Variants in ENTREP2 observed in about 807,000 individuals in gnomAD.
The protein encoded by ENTREP2 is endosomal transmembrane epsin interactor 2.
chr15:29,325,305 A>G, the ENTREP2 span, among the ~76,000 whole-genome samples: 7 of 152,244 alleles, frequency 4.6e-5, no homozygotes, highest in Middle Eastern at 3.4e-3. Flanking sequence ...AGCATAAAGC[A>G]AACAGAAGAA....
At chr15:29,563,616 G>C in the ENTREP2 span, among the ~76,000 whole-genome samples, 1 of 152,154 alleles carries the variant, frequency 6.6e-6, no homozygotes, top group Non-Finnish European at 1.5e-5. Context: ...TGGACCACCT[G>C]AGGTCAGCAG....
the ENTREP2 span, among the ~76,000 whole-genome samples, chr15:29,635,104 A>C: frequency 6.6e-6 from 1 of 152,062 alleles, no homozygotes; most frequent in African/African-American, 2.4e-5. Context: ...CGGCCTCCCA[A>C]AGTGCTGGTA....
the ENTREP2 span, among the ~76,000 whole-genome samples, chr15:29,282,209 C>T: frequency 6.6e-6 from 1 of 152,062 alleles, no homozygotes; most frequent in Non-Finnish European, 1.5e-5. Flanking sequence ...GGGAAGGTTT[C>T]CCCCATACTG....
chr15:29,556,443 G>A, the ENTREP2 span, among the ~76,000 whole-genome samples: 42 of 152,314 alleles, frequency 2.8e-4, no homozygotes, highest in East Asian at 6.0e-3. Context: ...CACAAGGAAG[G>A]AAGGGAGGGA....
the ENTREP2 span, among the ~76,000 whole-genome samples, chr15:29,407,469 G>A: frequency 6.6e-6 from 1 of 152,020 alleles, no homozygotes. Flanking sequence ...AAAAAATGAG[G>A]GAGCAAACCA....
the ENTREP2 span, among the ~76,000 whole-genome samples, chr15:29,627,775 CAT>C: frequency 2.2e-4 from 34 of 152,224 alleles, no homozygotes; most frequent in Admixed American, 3.9e-4. Context: ...TCACTTTGCA[CAT>C]GTTTTCAAGG....
the ENTREP2 span, among the ~76,000 whole-genome samples, chr15:29,399,619 A>G: frequency 2.0e-5 from 3 of 152,208 alleles, no homozygotes; most frequent in East Asian, 3.8e-4. Context: ...TGTTAGGGGC[A>G]CCAACCTCCT....
At chr15:29,240,578 G>T in the ENTREP2 span, among the ~76,000 whole-genome samples, 1 of 152,018 alleles carries the variant, frequency 6.6e-6, no homozygotes, top group Non-Finnish European at 1.5e-5. Context: ...ATGGGATATT[G>T]CAGCAAAAAG....
At chr15:29,631,679 C>T in the ENTREP2 span, among the ~76,000 whole-genome samples, 2 of 152,232 alleles carry the variant, frequency 1.3e-5, no homozygotes, top group African/African-American at 4.8e-5. Flanking sequence ...TCATTTTCTC[C>T]AGCTTTTTCC....
At chr15:29,421,269 GAAT>G in the ENTREP2 span, among the ~76,000 whole-genome samples, 959 of 152,324 alleles carry the variant, frequency 6.3e-3, 5 homozygotes, top group Non-Finnish European at 0.011. Context: ...GCTCTGCAGT[GAAT>G]AATATCTGCA....
At chr15:29,613,474 T>A in the ENTREP2 span, 2 of 421,160 alleles carry the variant, frequency 4.7e-6, no homozygotes, top group Admixed American at 5.9e-5. Flanking sequence ...GGCACCCTCC[T>A]CCACAGCAAG....
chr15:29,508,720 G>A, the ENTREP2 span, among the ~76,000 whole-genome samples: 1 of 152,090 alleles, frequency 6.6e-6, no homozygotes, highest in African/African-American at 2.4e-5. Context: ...GCTAAAAACT[G>A]TCAATAAACT....
At chr15:29,367,329 G>A in the ENTREP2 span, among the ~76,000 whole-genome samples, 1 of 152,150 alleles carries the variant, frequency 6.6e-6, no homozygotes, top group Admixed American at 6.6e-5. Context: ...CTCATGATGT[G>A]ACCATTCTGG....
At chr15:29,294,357 A>G in the ENTREP2 span, among the ~76,000 whole-genome samples, 2 of 152,214 alleles carry the variant, frequency 1.3e-5, no homozygotes, top group Non-Finnish European at 2.9e-5. Flanking sequence ...CCCTGCTAAC[A>G]GAGGGAGATG....
At chr15:29,503,201 CATCAATTGATAA>C in the ENTREP2 span, among the ~76,000 whole-genome samples, 1 of 152,078 alleles carries the variant, frequency 6.6e-6, no homozygotes, top group Admixed American at 6.5e-5. Context: ...ACCAAATGTT[CATCAATTGATAA>C]ATGGTTAAAC....
chr15:29,219,617 AT>A, the ENTREP2 span, among the ~76,000 whole-genome samples: 2 of 10,948 alleles, frequency 1.8e-4, no homozygotes, highest in Admixed American at 9.9e-4. Flanking sequence ...GTGCATAAAT[AT>A]ATATATATAT....
chr15:29,357,608 C>T, the ENTREP2 span, among the ~76,000 whole-genome samples: 41 of 152,140 alleles, frequency 2.7e-4, no homozygotes, highest in African/African-American at 8.7e-4. Context: ...GAGGCCGAGG[C>T]GGGCAGATCA....
the ENTREP2 span, chr15:29,195,277 A>T: frequency 1.0e-6 from 1 of 985,270 alleles, no homozygotes; most frequent in African/African-American, 1.7e-5. Flanking sequence ...CATGGAGATG[A>T]GCCGCATCCT....
At chr15:29,245,358 C>T in the ENTREP2 span, among the ~76,000 whole-genome samples, 2 of 151,622 alleles carry the variant, frequency 1.3e-5, no homozygotes, top group African/African-American at 4.8e-5. Context: ...AAAAATAAAA[C>T]CCGAAAATAC....
Sources: gnomAD v4.1 joint callset for allele counts (sites outside exome capture counted in the v4.1 genomes callset) on GRCh38, gnomAD v4.1.1 for gene constraint, MANE v1.5 for transcripts, NCBI Gene and HGNC (gene_info 2026-07-23, HGNC 2026-07-21) for gene names.